Variants in FLNB observed in about 807,000 individuals in gnomAD.
FLNB encodes filamin B, also known as filamin-B.
Under a neutral mutation model 250.6 loss-of-function variants are expected in FLNB, and 111 were observed. The observed-to-expected ratio is 0.44, with a 90% CI of 0.38 to 0.52. The LOEUF (loss-of-function observed/expected upper bound fraction) is 0.52, where lower values mean the gene tolerates loss of function less well. Among genes scored for constraint, FLNB ranks in the 20% least tolerant of loss-of-function variants. The pLI is 0.00. For missense variants in FLNB, 2,869 were observed against 3,447.8 expected (o/e 0.83, Z 4.20); for synonymous variants, 1,302 against 1,372.1 (o/e 0.95, Z 1.13).
chr3:58,123,393 C>T lies in FLNB; in HGVS notation c.3427C>T (p.Leu1143Phe). Reference sequence around the variant, plus strand: ...TAAAGTCGTGGCATCGGGGCCAGGTCTCGAGCACGGGAAGGTGGGTGAAGC... The same window carrying T: ...TAAAGTCGTGGCATCGGGGCCAGGTTTCGAGCACGGGAAGGTGGGTGAAGC... ...PSKVVASGPGLEHGKVGEAGL... is the reference protein window; with the variant it reads ...PSKVVASGPGFEHGKVGEAGL... The change falls in exon 21 of 46, where the codon CTC (leucine) becomes TTC (phenylalanine). Residue 1143 changes from leucine to phenylalanine, a missense_variant. This residue lies in a region of FLNB where 1,348 missense variants were observed against 1,466.7 expected (regional missense o/e 0.92). Coordinates refer to ENST00000295956, the MANE Select transcript of FLNB (RefSeq NM_001457.4). The T allele has an allele frequency of 6.2e-7, 1 of 1,614,136 alleles. No homozygotes were observed. The highest frequency in any genetic ancestry group is 1.1e-5 in the South Asian group (1 of 91,078).
intron 42 of FLNB, chr3:58,162,951 G>A: frequency 1.6e-6 from 1 of 620,512 alleles, no homozygotes; most frequent in Non-Finnish European, 2.9e-6. Flanking sequence ...GATTTGCAAT[G>A]TGGATGCGTT....
In FLNB at chr3:58,061,444, G is replaced by T. The variant is rs1047315641; in HGVS notation, c.293-15602G>T. Among the ~76,000 whole-genome samples, 8 of 152,112 alleles carry T rather than the reference G, an allele frequency of 5.3e-5. No homozygotes were observed. The South Asian group carries it at 8.3e-4, about 16-fold the overall frequency. On this transcript the variant is annotated intron_variant, in intron 1 of 45. Coordinates refer to ENST00000295956, the MANE Select transcript of FLNB (RefSeq NM_001457.4). ...AAGATTTATTATAAAAGTAACAGAT[G>T]GGTAGGGCATGGTGGCTCATTCCTG...
intron 1 of FLNB, among the ~76,000 whole-genome samples, chr3:58,053,883 A>G (rs2097166440): frequency 6.6e-6 from 1 of 152,210 alleles, no homozygotes; most frequent in Non-Finnish European, 1.5e-5. Context: ...GTGAAGAAGT[A>G]AAGACAGAGA....
chr3:58,168,350 G>A (rs2097374526), intron 43 of FLNB, 90 bp from the exon 44 acceptor site: 3 of 959,922 alleles, frequency 3.1e-6, no homozygotes, highest in South Asian at 2.7e-5. Context: ...CTCTGTAAGG[G>A]GATCTATGTG....
At chr3:58,087,994 C>T (rs2097219987) in intron 4 of FLNB, among the ~76,000 whole-genome samples, 1 of 150,540 alleles carries the variant, frequency 6.6e-6, no homozygotes, top group African/African-American at 2.5e-5. Context: ...CCCACCTTGG[C>T]CTCGAAAGTG....
At position 58,106,681 on chromosome 3, in the gene FLNB, G is replaced by A; in HGVS notation, c.1749G>A (p.Gly583=). Residue 583 remains glycine (G), a splice_region_variant and synonymous_variant, in exon 12 of 46, where the codon GGG becomes GGA. Transcript: ENST00000295956. ...ESIGSEVGSL[G]FAIEGPSQAK... ...GACCCTTCCACCTCCACCCCCTAGG[G>A]TTTGCCATTGAAGGCCCCTCTCAGG... 6.2e-7 allele frequency: 1 copy of A among 1,613,994 alleles called. No homozygotes were observed. The highest frequency in any genetic ancestry group is 8.5e-7 in the Non-Finnish European group (1 of 1,179,938).
In FLNB at chr3:58,077,307, G is replaced by A; in HGVS notation, c.541+13G>A. On this transcript the variant is annotated intron_variant, in intron 2 of 45. Transcript: ENST00000295956. Reference sequence around the variant, plus strand: ...AGCTGTGCTCCAGGTAAGTGGCCAGGGCTGCCTAAACCATCTGTCCAGGAT... The same window carrying A: ...AGCTGTGCTCCAGGTAAGTGGCCAGAGCTGCCTAAACCATCTGTCCAGGAT... 6.2e-7 allele frequency: 1 copy of A among 1,613,464 alleles called. No homozygotes were observed. The highest frequency in any genetic ancestry group is 1.1e-5 in the South Asian group (1 of 91,062).
At chr3:58,102,841 T>G (rs1471837012) in intron 9 of FLNB, among the ~76,000 whole-genome samples, 1 of 152,228 alleles carries the variant, frequency 6.6e-6, no homozygotes, top group Non-Finnish European at 1.5e-5. Context: ...TTCCCTAAGA[T>G]TAAGTTTTCT....
intron 40 of FLNB, among the ~76,000 whole-genome samples, chr3:58,155,304 T>A (rs1458606350): frequency 2.0e-5 from 3 of 152,262 alleles, no homozygotes; most frequent in Non-Finnish European, 4.4e-5. Flanking sequence ...CATTGACTCT[T>A]GCCATCTGGC....
chr3:58,087,251 C>T (rs192190650), intron 4 of FLNB, among the ~76,000 whole-genome samples: 15 of 151,876 alleles, frequency 9.9e-5, no homozygotes, highest in Admixed American at 4.6e-4. Context: ...TATATGGTAT[C>T]GATATTGTGG....
intron 1 of FLNB, among the ~76,000 whole-genome samples, chr3:58,029,501 G>T (rs1055072888): frequency 2.0e-5 from 3 of 150,434 alleles, no homozygotes; most frequent in African/African-American, 2.5e-5. Flanking sequence ...TTAAGAATGA[G>T]AATTCTTTTT....
In FLNB at chr3:58,169,479, G is replaced by A; in HGVS notation, c.7418-111G>A. 1 of 835,830 alleles carries A rather than the reference G, an allele frequency of 1.2e-6. No homozygotes were observed. The highest frequency in any genetic ancestry group is 2.4e-5 in the East Asian group (1 of 41,284). The allele number at this position is 835,830 out of a possible 1,614,324, so 51.8% of individuals were successfully genotyped here. Reference sequence around the variant, plus strand: ...ACAGGTGTGGTGGCTTTTGTGTTGGGGTGCGCGGGCTCTCCTGGGGTTACT... The same window carrying A: ...ACAGGTGTGGTGGCTTTTGTGTTGGAGTGCGCGGGCTCTCCTGGGGTTACT... On this transcript the variant is annotated intron_variant, in intron 44 of 45. Transcript: ENST00000295956. The surrounding 1 kb of genome is among the most constrained non-coding windows in gnomAD (Gnocchi z 4.8).
At chr3:58,083,239 CT>C (rs71091340) in intron 4 of FLNB, among the ~76,000 whole-genome samples, 74,256 of 136,320 alleles carry the variant, frequency 0.54, 21,125 homozygotes, top group Middle Eastern at 0.68. Flanking sequence ...TTTCCCCAAA[CT>C]TTTTTTTTTT....
At chr3:58,080,160 G>T (rs189758599) in intron 3 of FLNB, among the ~76,000 whole-genome samples, 10 of 152,338 alleles carry the variant, frequency 6.6e-5, no homozygotes, top group African/African-American at 2.2e-4. Flanking sequence ...GAAGGCGACT[G>T]TTCAAACCCA....
intron 42 of FLNB, among the ~76,000 whole-genome samples, chr3:58,160,618 G>A (rs1301555356): frequency 6.6e-6 from 1 of 152,232 alleles, no homozygotes; most frequent in Admixed American, 6.5e-5. Context: ...TGTGGGCCTT[G>A]ATGTATGAGG....
intron 41 of FLNB, among the ~76,000 whole-genome samples, chr3:58,158,342 G>A (rs942665560): frequency 3.9e-5 from 6 of 152,198 alleles, no homozygotes; most frequent in Admixed American, 6.5e-5. Flanking sequence ...TTTTATTTAA[G>A]TGCATTAAGT....
intron 3 of FLNB, among the ~76,000 whole-genome samples, chr3:58,080,121 C>T (rs1239411095): frequency 1.3e-5 from 2 of 152,318 alleles, no homozygotes; most frequent in East Asian, 3.9e-4. Context: ...GCCAAATCGA[C>T]ACACATCCTA....
At position 58,121,515 on chromosome 3, in the gene FLNB, C is replaced by T; in HGVS notation, c.3126+12C>T. The T allele has an allele frequency of 6.2e-7, 1 of 1,613,688 alleles. No homozygotes were observed. ...CAGATCCCAGCAAGGTCAGCCTTTG[C>T]TTTTGTCCCAGAACTTGTCTCATTG... is the stretch of plus-strand genomic sequence containing the variant. On this transcript the variant is annotated intron_variant, in intron 20 of 45. Coordinates refer to ENST00000295956, the MANE Select transcript of FLNB (RefSeq NM_001457.4).
rs1322230555 is a variant in FLNB, at chr3:58,142,283, C to A, written c.5181+354C>A. On this transcript the variant is annotated intron_variant, in intron 30 of 45. Transcript: ENST00000295956. The surrounding 1 kb of genome is among the most constrained non-coding windows in gnomAD (Gnocchi z 4.3). ...TCAGGGGGAAAGCCACCCACTGCTA[C>A]TCTCTGCCACTTAAAATGCACCTTC... 6.6e-6 allele frequency among the ~76,000 whole-genome samples: 1 copy of A among 152,246 alleles called. No individual in the cohort carries two copies. Among genetic ancestry groups the A allele is most frequent in the Non-Finnish European group, 1.5e-5 (1 of 68,050 alleles).
Sources: allele counts gnomAD v4.1 joint callset (sites outside exome capture counted in the v4.1 genomes callset), GRCh38; gene constraint gnomAD v4.1.1; regional missense constraint gnomAD v4.1.1; non-coding constraint Gnocchi (gnomAD v3.1); transcripts MANE v1.5; gene names NCBI Gene and HGNC (gene_info 2026-07-23, HGNC 2026-07-21).